Variants in ZNF572 observed in about 807,000 individuals in gnomAD.
ZNF572 encodes the protein zinc finger protein 572.
ZNF572 carries 2 observed loss-of-function variants against 3.8 expected under a neutral mutation model. The observed-to-expected ratio is 0.52, with a 90% confidence interval of 0.21 to 1.65. The LOEUF is 1.65. Ranked by LOEUF, ZNF572 falls within the 40% of genes most tolerant of loss-of-function variation. The pLI, the probability that ZNF572 is intolerant of heterozygous loss-of-function variation, is 0.20. For missense variants in ZNF572, 581 were observed against 633.4 expected (o/e 0.92, Z 0.89); for synonymous variants, 187 against 204.5 (o/e 0.91, Z 0.73).
chr8:124,976,776 TG>T lies in ZNF572; in HGVS notation c.509del (p.Cys170LeufsTer6). The T allele has an allele frequency of 1.2e-6, 2 of 1,614,180 alleles. No individual in the cohort carries two copies. Among genetic ancestry groups the T allele is most frequent in the Non-Finnish European group, 1.7e-6 (2 of 1,180,026 alleles). On this transcript the variant is annotated frameshift_variant, in exon 3 of 3. Transcript: ENST00000319286. LOFTEE classifies it low-confidence loss of function (END_TRUNC). ...YKCSECAKCF[C>X]NSSHLIQHLR... ...ATGCTCTGAGTGTGCAAAATGTTTT[TG>T]TAACAGTTCTCACCTGATTCAGCAT...
At position 124,973,329 on chromosome 8, in the gene ZNF572, C is replaced by T. The variant is rs1365678741; in HGVS notation, c.-123C>T. ...CCTTCCGGGTTTGAGAGTTTAGGAC[C>T]CTGGGTTGGTGGGGTCAGAGGGAGA... is the stretch of plus-strand genomic sequence containing the variant. On this transcript the variant is annotated 5_prime_UTR_variant, in exon 1 of 3. Coordinates refer to ENST00000319286, the MANE Select transcript of ZNF572 (RefSeq NM_152412.3). 1 of 152,286 alleles carries T rather than the reference C, an allele frequency of 6.6e-6. No homozygotes were observed. The highest frequency in any genetic ancestry group is 2.4e-5 in the African/African-American group (1 of 41,426). 9.4% of individuals were successfully genotyped at this position (152,286 alleles called of 1,614,324 possible). A position where few individuals can be genotyped will look rare whatever the true frequency, so the allele number is the denominator to read the frequency against.
intron 1 of ZNF572, among the ~76,000 whole-genome samples, 167 bp downstream of exon 1, chr8:124,973,583 C>T (rs1814464073): frequency 6.6e-6 from 1 of 152,214 alleles, no homozygotes; most frequent in South Asian, 2.1e-4. Context: ...TCCGCGGGGT[C>T]CCTTACGGGA....
In ZNF572 at chr8:124,977,935, CT is replaced by C. The variant is rs1814533907; in HGVS notation, c.*78del. 7.6e-6 allele frequency: 11 copies of C among 1,443,012 alleles called. No homozygotes were observed. Among genetic ancestry groups the C allele is most frequent in the Middle Eastern group, 1.8e-4 (1 of 5,498 alleles). The allele number at this position is 1,443,012 out of a possible 1,614,324, so 89.4% of individuals were successfully genotyped here. On this transcript the variant is annotated 3_prime_UTR_variant, in exon 3 of 3. Coordinates refer to ENST00000319286, the MANE Select transcript of ZNF572 (RefSeq NM_152412.3). ...ATTTAGGTATTCTGTGATTGTTGTG[CT>C]ATAAAGTTTCTTTGATGTGTTTGTC...
rs753790027 is a variant in ZNF572, at chr8:124,976,899, A to G, written c.631A>G (p.Thr211Ala). ...TCTTATTATCCATGAGAGAACTCAC[A>G]CGGGAGAGAAACCCTACAAATGTCC... ...SHLIIHERTH[T>A]GEKPYKCPEC... Residue 211 changes from threonine to alanine, a missense_variant, in exon 3 of 3, where the codon ACG becomes GCG. Thr to Ala is a moderately conservative substitution (Grantham distance 58, BLOSUM62 0). Transcript: ENST00000319286. 6.2e-7 allele frequency: 1 copy of G among 1,614,100 alleles called. No homozygotes were observed. Among genetic ancestry groups the G allele is most frequent in the South Asian group, 1.1e-5 (1 of 91,072 alleles).
rs771164123 is a variant in ZNF572 at position 124,977,469 on chromosome 8, A to G, written c.1201A>G (p.Arg401Gly). The G allele has an allele frequency of 1.2e-5, 20 of 1,614,184 alleles. No homozygotes were observed. The highest frequency in any genetic ancestry group is 1.7e-5 in the Non-Finnish European group (20 of 1,180,018). ...KSFGLSSHLI[R>G]HQRTHTGEKP... is the part of the protein sequence containing the mutation. Reference sequence around the variant, plus strand: ...TTTTGGCCTTAGCTCCCATCTCATTAGACATCAGAGAACACATACAGGAGA... The same window carrying G: ...TTTTGGCCTTAGCTCCCATCTCATTGGACATCAGAGAACACATACAGGAGA... The change falls in exon 3 of 3, where the codon AGA (arginine) becomes GGA (glycine). Residue 401 changes from arginine (R) to glycine (G), a missense_variant. Physicochemically the swap from Arg to Gly is moderately radical, Grantham distance 125. Transcript: ENST00000319286.
In ZNF572 at chr8:124,976,702, C is replaced by G. The variant is rs768972893; in HGVS notation, c.434C>G (p.Ser145Cys). 1 of 1,614,050 alleles carries G rather than the reference C, an allele frequency of 6.2e-7. No homozygotes were observed. Among genetic ancestry groups the G allele is most frequent in the Non-Finnish European group, 8.5e-7 (1 of 1,180,018 alleles). ...TGTTGGAAAAGCTTCAGTAATAGTT[C>G]TCATTTGCGTACTCACCAGAGGACC... is the stretch of plus-strand genomic sequence containing the variant. ...SECWKSFSNSSHLRTHQRTHS... is the reference protein window; with the variant it reads ...SECWKSFSNSCHLRTHQRTHS... Residue 145 changes from serine (S) to cysteine (C), a missense_variant, in exon 3 of 3, where the codon TCT becomes TGT. By Grantham distance (112) the Ser-to-Cys change is moderately radical (BLOSUM62 -1). Coordinates refer to ENST00000319286, the MANE Select transcript of ZNF572 (RefSeq NM_152412.3).
At position 124,976,598 on chromosome 8, in the gene ZNF572, A is replaced by G. The variant is rs749416610; in HGVS notation, c.330A>G (p.Glu110=). 11 of 1,614,090 alleles carry G rather than the reference A, an allele frequency of 6.8e-6. No individual in the cohort carries two copies. The highest frequency in any genetic ancestry group is 5.3e-5 in the African/African-American group (4 of 74,944). The change falls in exon 3 of 3, where the codon GAA becomes GAG. Residue 110 remains glutamate (E), a synonymous_variant. Transcript: ENST00000319286. ...AKEEEKPNHQ[E]WDSGEHTNAC... is the part of the protein sequence containing the mutation. ...AGGAGGAAAAACCCAATCACCAGGA[A>G]TGGGACTCAGGAGAACATACCAATG...
In ZNF572 at chr8:124,976,468, A is replaced by T; in HGVS notation, c.200A>T (p.Asp67Val). Residue 67 changes from aspartate (D) to valine (V), a missense_variant, in exon 3 of 3, where the codon GAT (aspartate) becomes GTT (valine). Physicochemically the swap from Asp to Val is radical, Grantham distance 152. Transcript: ENST00000319286. ...AGACCACAACATTATAAGCATGAGG[A>T]TGCAAAAGAAATGCCACTGACATGG... ...RHRPQHYKHE[D>V]AKEMPLTWVQ... The T allele has an allele frequency of 1.2e-6, 2 of 1,614,210 alleles. No homozygotes were observed. Among genetic ancestry groups the T allele is most frequent in the East Asian group, 2.2e-5 (1 of 44,876 alleles).
chr8:124,977,617 G>A lies in ZNF572; in HGVS notation c.1349G>A (p.Ser450Asn). 6.2e-7 allele frequency: 1 copy of A among 1,614,222 alleles called. No homozygotes were observed. The highest frequency in any genetic ancestry group is 8.5e-7 in the Non-Finnish European group (1 of 1,180,030). ...TGTCCTGATTGTGGTGAAAGCTTCAGTCAGAGCTTTAACCTTATCAGGCAC... is the reference window on the plus strand; with the variant it reads ...TGTCCTGATTGTGGTGAAAGCTTCAATCAGAGCTTTAACCTTATCAGGCAC... ...YKCPDCGESF[S>N]QSFNLIRHRR... Residue 450 changes from serine (S) to asparagine (N), a missense_variant, in exon 3 of 3, where the codon AGT (serine) becomes AAT (asparagine). Physicochemically the swap from Ser to Asn is conservative, Grantham distance 46. Coordinates refer to ENST00000319286, the MANE Select transcript of ZNF572 (RefSeq NM_152412.3).
At chr8:124,975,829 C>T in intron 2 of ZNF572, 110 bp downstream of exon 2, 1 of 798,480 alleles carries the variant, frequency 1.3e-6, no homozygotes, top group Non-Finnish European at 2.0e-6. Context: ...CACTTATAAG[C>T]TGTGTTAATT....
chr8:124,978,966 T>A lies in ZNF572; in HGVS notation c.*1108T>A, dbSNP rs893436892. Reference sequence around the variant, plus strand: ...CTTAGCTTTGGTACTGACAGTTTTCTTTTGCCTCTTGACATAATTGGTATA... The same window carrying A: ...CTTAGCTTTGGTACTGACAGTTTTCATTTGCCTCTTGACATAATTGGTATA... On this transcript the variant is annotated 3_prime_UTR_variant, in exon 3 of 3. Transcript: ENST00000319286. 1 of 152,234 alleles carries A rather than the reference T, an allele frequency of 6.6e-6. No homozygotes were observed. Among genetic ancestry groups the A allele is most frequent in the Middle Eastern group, 3.2e-3 (1 of 316 alleles). The allele number at this position is 152,234 out of a possible 1,614,324, so 9.4% of individuals were successfully genotyped here.
At chr8:124,974,441 A>G (rs1588104272) in intron 1 of ZNF572, among the ~76,000 whole-genome samples, 1 of 152,370 alleles carries the variant, frequency 6.6e-6, no homozygotes, top group Non-Finnish European at 1.5e-5. Flanking sequence ...GGCTACTGTA[A>G]GAATTAAATG....
At chr8:124,974,767 C>T (rs1814484921) in intron 1 of ZNF572, among the ~76,000 whole-genome samples, 1 of 152,158 alleles carries the variant, frequency 6.6e-6, no homozygotes, top group South Asian at 2.1e-4. Context: ...TCTCGGCTCA[C>T]TGCAACCTCT....
intron 1 of ZNF572, among the ~76,000 whole-genome samples, chr8:124,973,746 T>G (rs539806226): frequency 6.6e-6 from 1 of 152,330 alleles, no homozygotes; most frequent in Admixed American, 6.5e-5. Context: ...GATCACATTG[T>G]TGCTCTAGAA....
chr8:124,977,595 C>A lies in ZNF572; in HGVS notation c.1327C>A (p.Pro443Thr), dbSNP rs867462791. The A allele has an allele frequency of 6.8e-6, 11 of 1,614,182 alleles. No individual in the cohort carries two copies. In the Middle Eastern group the frequency reaches 1.8e-3, roughly 266 times the overall value. Residue 443 changes from proline (P) to threonine (T), a missense_variant, in exon 3 of 3, where the codon CCT (proline) becomes ACT (threonine). Transcript: ENST00000319286. ...THTGEKPYKC[P>T]DCGESFSQSF... The stretch of plus-strand genomic sequence containing the variant: ...TACAGGAGAGAAACCTTATAAATGT[C>A]CTGATTGTGGTGAAAGCTTCAGTCA...
At chr8:124,973,769 T>C (rs1303533481) in intron 1 of ZNF572, among the ~76,000 whole-genome samples, 1 of 152,156 alleles carries the variant, frequency 6.6e-6, no homozygotes, top group East Asian at 1.9e-4. Context: ...GTGAAAACAC[T>C]CCTTCCCCGT....
At chr8:124,974,854 G>A (rs1814487011) in intron 1 of ZNF572, among the ~76,000 whole-genome samples, 1 of 151,964 alleles carries the variant, frequency 6.6e-6, no homozygotes, top group African/African-American at 2.4e-5. Flanking sequence ...ACCACACCCG[G>A]CTAATTTTTT....
At position 124,973,313 on chromosome 8, in the gene ZNF572, T is replaced by C. The variant is rs1814455559; in HGVS notation, c.-139T>C. On this transcript the variant is annotated 5_prime_UTR_variant, in exon 1 of 3. Coordinates refer to ENST00000319286, the MANE Select transcript of ZNF572 (RefSeq NM_152412.3). ...TAACTTCCTGTTTCTGCCTTCCGGG[T>C]TTGAGAGTTTAGGACCCTGGGTTGG... 1 of 151,808 alleles carries C rather than the reference T, an allele frequency of 6.6e-6. No homozygotes were observed. The highest frequency in any genetic ancestry group is 6.6e-5 in the Admixed American group (1 of 15,246). 9.4% of individuals were successfully genotyped at this position (151,808 alleles called of 1,614,324 possible). A position where few individuals can be genotyped will look rare whatever the true frequency, so the allele number is the denominator to read the frequency against.
rs1027186656 is a variant in ZNF572 at position 124,977,474 on chromosome 8, T to G, written c.1206T>G (p.His402Gln). The change falls in exon 3 of 3, where the codon CAT becomes CAG. Residue 402 changes from histidine to glutamine, a missense_variant. Transcript: ENST00000319286. ...GCCTTAGCTCCCATCTCATTAGACA[T>G]CAGAGAACACATACAGGAGAAAAAC... ...SFGLSSHLIR[H>Q]QRTHTGEKPY... 1.2e-6 allele frequency: 2 copies of G among 1,614,034 alleles called. No homozygotes were observed. The highest frequency in any genetic ancestry group is 2.7e-5 in the African/African-American group (2 of 74,906).
Sources: allele counts gnomAD v4.1 joint callset (sites outside exome capture counted in the v4.1 genomes callset), GRCh38; gene constraint gnomAD v4.1.1; transcripts MANE v1.5; gene names NCBI Gene and HGNC (gene_info 2026-07-23, HGNC 2026-07-21).